The following CASQ2 variants were observed in gnomAD, a reference collection of about 807,000 sequenced individuals.
The protein encoded by CASQ2 is calsequestrin-2.
CASQ2 carries 49 observed loss-of-function variants against 46.5 expected under a neutral mutation model. The observed-to-expected ratio is 1.05, with a 90% CI of 0.84 to 1.34. The LOEUF is 1.34. CASQ2 is among the 40% of genes most tolerant of loss of function. The pLI is 0.00. For synonymous variants in CASQ2, 174 were observed against 168.5 expected (o/e 1.03, Z -0.25); for missense variants, 486 against 481.3 (o/e 1.01, Z -0.09).
At chr1:115,738,399 CAG>C (rs1407618909) in intron 3 of CASQ2, 64 bp from the exon 4 acceptor site, 13 of 1,054,752 alleles carry the variant, frequency 1.2e-5, no homozygotes, top group Admixed American at 5.1e-5. Flanking sequence ...ACTGGGGAAA[CAG>C]AGTGCATTGG....
chr1:115,739,563 C>T (rs1292892841), intron 3 of CASQ2, among the ~76,000 whole-genome samples: 1 of 152,172 alleles, frequency 6.6e-6, no homozygotes, highest in Non-Finnish European at 1.5e-5. Context: ...AAGTTCTTTA[C>T]TCTTAAAAGG....
At chr1:115,716,665 T>C (rs1434314011) in intron 8 of CASQ2, among the ~76,000 whole-genome samples, 1 of 152,128 alleles carries the variant, frequency 6.6e-6, no homozygotes. Flanking sequence ...CTTGAAAGCA[T>C]CTCCAAAAAC....
chr1:115,714,137 C>G (rs1654630637), intron 8 of CASQ2, among the ~76,000 whole-genome samples: 1 of 152,164 alleles, frequency 6.6e-6, no homozygotes, highest in South Asian at 2.1e-4. Flanking sequence ...CAGCGTCATT[C>G]CAACTTCATG....
Position 115,741,096 on chromosome 1 carries a change from C to A in CASQ2, c.320-268G>T, listed in dbSNP as rs12117088. Among the ~76,000 whole-genome samples, 4,101 of 152,272 alleles carry A rather than the reference C, an allele frequency of 0.027. 85 individuals are homozygous for A. The highest frequency in any genetic ancestry group is 0.039 in the Non-Finnish European group (2,624 of 68,014). Reference sequence around the variant, plus strand: ...CCACTCCACCACTGCTTTAGTTTTCCAAAAATACAGCTGATCCCATGTCAT... The same window carrying A: ...CCACTCCACCACTGCTTTAGTTTTCAAAAAATACAGCTGATCCCATGTCAT... On this transcript the variant is annotated intron_variant, in intron 2 of 10. Coordinates refer to ENST00000261448, the MANE Select transcript of CASQ2 (RefSeq NM_001232.4).
At chr1:115,732,473 G>A (rs367980592) in intron 5 of CASQ2, among the ~76,000 whole-genome samples, 2 of 152,012 alleles carry the variant, frequency 1.3e-5, no homozygotes, top group Non-Finnish European at 2.9e-5. Flanking sequence ...CTTGTTTTTC[G>A]CAGAACACTT....
In CASQ2 at chr1:115,705,257, C is replaced by A. The variant is rs200643387; in HGVS notation, c.874G>T (p.Ala292Ser). The part of the protein sequence containing the change: ...YEFLEILKQV[A>S]RDNTDNPDLS... ...TCGGGGTTGTCAGTATTGTCCCGGG[C>A]AACCTGTTTCAGGATCTCCAGGAAT... Residue 292 changes from alanine (A) to serine (S), a missense_variant, in exon 9 of 11, where the codon GCC becomes TCC. Ala to Ser is a moderately conservative substitution (Grantham distance 99). Transcript: ENST00000261448. The A allele has an allele frequency of 1.8e-4, 291 of 1,613,998 alleles. No homozygotes were observed. Among genetic ancestry groups the A allele is most frequent in the Non-Finnish European group, 9.1e-5 (107 of 1,179,870 alleles).
At chr1:115,749,202 G>C (rs1031272736) in intron 1 of CASQ2, among the ~76,000 whole-genome samples, 1 of 152,112 alleles carries the variant, frequency 6.6e-6, no homozygotes, top group Admixed American at 6.5e-5. Flanking sequence ...CATAAAATAA[G>C]AAGTTAACTC....
intron 1 of CASQ2, among the ~76,000 whole-genome samples, chr1:115,763,003 A>G (rs1025433554): frequency 3.3e-5 from 5 of 152,148 alleles, no homozygotes; most frequent in Non-Finnish European, 1.5e-5. Flanking sequence ...GCATTTATTT[A>G]GTTGTGTTTT....
At chr1:115,713,782 C>A (rs1654618587) in intron 8 of CASQ2, among the ~76,000 whole-genome samples, 1 of 152,166 alleles carries the variant, frequency 6.6e-6, no homozygotes, top group African/African-American at 2.4e-5. Flanking sequence ...ATGCTCAGAG[C>A]CTGCACTGGC....
At chr1:115,710,665 C>T (rs1468779564) in intron 8 of CASQ2, among the ~76,000 whole-genome samples, 3 of 152,136 alleles carry the variant, frequency 2.0e-5, no homozygotes, top group East Asian at 3.9e-4. Context: ...CCTCGCCTCC[C>T]AGCAGCTGTA....
chr1:115,738,190 TA>T, intron 4 of CASQ2, 33 bp downstream of exon 4: 1 of 1,303,542 alleles, frequency 7.7e-7, no homozygotes, highest in Non-Finnish European at 1.1e-6. Flanking sequence ...ATCTAGCTTT[TA>T]GACTGATCGG....
chr1:115,757,070 A>G (rs746963345), intron 1 of CASQ2, among the ~76,000 whole-genome samples: 23 of 152,356 alleles, frequency 1.5e-4, no homozygotes, highest in Non-Finnish European at 2.2e-4. Context: ...AGATAGGAGT[A>G]GTGAGAAAAG....
rs371260149 is a variant in CASQ2, at chr1:115,768,365, C to T, written c.177G>A (p.Pro59=). ...TTTGCGTGACCTTATCTGAAGACAC[C>T]GGCTCATGGTAGTAGAGGCAAAGCA... ...YDLLCLYYHE[P]VSSDKVTQKQ... Residue 59 remains proline (P), a synonymous_variant, in exon 1 of 11, where the codon CCG becomes CCA. Transcript: ENST00000261448. 5.1e-5 allele frequency: 82 copies of T among 1,613,988 alleles called. No individual in the cohort carries two copies. The highest frequency in any genetic ancestry group is 3.2e-4 in the African/African-American group (24 of 75,004).
At chr1:115,762,168 C>A (rs1420977837) in intron 1 of CASQ2, among the ~76,000 whole-genome samples, 4 of 152,276 alleles carry the variant, frequency 2.6e-5, no homozygotes, top group Admixed American at 6.5e-5. Flanking sequence ...GAAGATATGG[C>A]CATTTTTGTG....
Position 115,738,295 on chromosome 1 carries a change from T to A in CASQ2, c.461A>T (p.Glu154Val), listed in dbSNP as rs1271070495. 1.9e-6 allele frequency: 3 copies of A among 1,613,854 alleles called. No individual in the cohort carries two copies. Among genetic ancestry groups the A allele is most frequent in the South Asian group, 1.1e-5 (1 of 91,072 alleles). The change falls in exon 4 of 11, where the codon GAA (glutamate) becomes GTA (valine). Residue 154 changes from glutamate (E) to valine (V), a missense_variant. Glu to Val is a moderately radical substitution (Grantham distance 121). Transcript: ENST00000261448. ...TTCAATGCGTTCGAAGGCTTGGACT[T>A]CCAGTTTGCTGCTGATGATCTCCAC... ...DPVEIISSKL[E>V]VQAFERIEDY...
chr1:115,721,201 G>A (rs1456214482), intron 7 of CASQ2, among the ~76,000 whole-genome samples: 1 of 152,138 alleles, frequency 6.6e-6, no homozygotes, highest in African/African-American at 2.4e-5. Context: ...AGAAATTGCT[G>A]ACTCTCCTTC....
At chr1:115,703,740 G>A (rs1377676748) in intron 9 of CASQ2, among the ~76,000 whole-genome samples, 1 of 152,046 alleles carries the variant, frequency 6.6e-6, no homozygotes, top group African/African-American at 2.4e-5. Context: ...GTAAGACCTT[G>A]TCTCTACAAG....
intron 8 of CASQ2, among the ~76,000 whole-genome samples, chr1:115,710,164 C>T (rs1210894268): frequency 3.3e-5 from 5 of 152,192 alleles, no homozygotes; most frequent in Admixed American, 3.3e-4. Flanking sequence ...ACATTGTTCT[C>T]CATATGCAGA....
chr1:115,702,981 C>G lies in CASQ2; in HGVS notation c.954G>C (p.Trp318Cys), dbSNP rs2101053815. ...PDDFPLLVAY[W>C]EKTFKIDLFR... ...ATAGGTCAATCTTGAAAGTCTTCTC[C>G]CAGTAGGCAACGAGCTGCAGCAACA... is the stretch of plus-strand genomic sequence containing the variant. Residue 318 changes from tryptophan to cysteine, a missense_variant, in exon 10 of 11, where the codon TGG (tryptophan) becomes TGC (cysteine). Transcript: ENST00000261448. 6.2e-7 allele frequency: 1 copy of G among 1,613,232 alleles called. No homozygotes were observed. The highest frequency in any genetic ancestry group is 1.3e-5 in the African/African-American group (1 of 74,996).
Sources: allele counts gnomAD v4.1 joint callset (sites outside exome capture counted in the v4.1 genomes callset), GRCh38; gene constraint gnomAD v4.1.1; transcripts MANE v1.5; gene names NCBI Gene and HGNC (gene_info 2026-07-23, HGNC 2026-07-21).